Variants in ERBB4 observed in about 807,000 individuals in gnomAD.
ERBB4 encodes erb-b2 receptor tyrosine kinase 4, also known as receptor tyrosine-protein kinase erbB-4.
ERBB4 carries 42 observed loss-of-function variants against 158.0 expected under a neutral mutation model. The ratio of observed to expected loss-of-function variants is 0.27; its 90% CI spans 0.21 to 0.34. The LOEUF (loss-of-function observed/expected upper bound fraction) is 0.34. Ranked by LOEUF, ERBB4 falls within the 10% of genes least tolerant of loss-of-function variation. The pLI is 1.00. For missense variants in ERBB4, 1,333 were observed against 1,624.1 expected, an observed-to-expected ratio of 0.82 and a Z score of 3.08; for synonymous variants, 583 against 558.7, an observed-to-expected ratio of 1.04 and a Z score of -0.61.
intron 1 of ERBB4, among the ~76,000 whole-genome samples, chr2:212,479,830 A>G (rs1689596050): frequency 6.6e-6 from 1 of 152,200 alleles, no homozygotes. Context: ...GGTAGCACAC[A>G]GAGAGGTTCT....
chr2:212,472,450 T>C (rs1689162323), intron 1 of ERBB4, among the ~76,000 whole-genome samples: 1 of 151,768 alleles, frequency 6.6e-6, no homozygotes, highest in Non-Finnish European at 1.5e-5. Context: ...TTTTTTGCTA[T>C]TGCTTCCTGA....
intron 25 of ERBB4, among the ~76,000 whole-genome samples, chr2:211,409,733 CCAATAGAG>C (rs1253075095): frequency 3.9e-5 from 6 of 152,116 alleles, no homozygotes; most frequent in South Asian, 2.1e-4. Flanking sequence ...GTGGGGGGAA[CCAATAGAG>C]CAATAGAGGT....
intron 3 of ERBB4, among the ~76,000 whole-genome samples, chr2:211,819,861 A>G (rs1053763153): frequency 2.0e-5 from 3 of 152,066 alleles, no homozygotes; most frequent in Admixed American, 2.0e-4. Context: ...AGTAGGAAAT[A>G]GATTTTGTTT....
chr2:211,879,005 C>T (rs188171509), intron 3 of ERBB4, among the ~76,000 whole-genome samples: 1 of 152,188 alleles, frequency 6.6e-6, no homozygotes, highest in African/African-American at 2.4e-5. Context: ...TGTCCTCTAA[C>T]CCTCTAGGAG....
At chr2:212,439,076 A>C (rs1225013314) in intron 1 of ERBB4, among the ~76,000 whole-genome samples, 1 of 152,142 alleles carries the variant, frequency 6.6e-6, no homozygotes, top group Non-Finnish European at 1.5e-5. Context: ...TTAGAAAGTA[A>C]GTAAGCACTA....
Position 211,562,041 on chromosome 2 carries a change from C to A in ERBB4, c.2349G>T (p.Leu783Phe). ...TGGTTGGGCTCAGACACACACCCAG[C>A]AACCGGACTAGGTGTGGATGATCCA... The part of the protein sequence containing the change: ...ASMDHPHLVR[L>F]LGVCLSPTIQ... The change falls in exon 20 of 28, where the codon TTG becomes TTT. Residue 783 changes from leucine (L) to phenylalanine (F), a missense_variant. Leu to Phe is a conservative substitution (Grantham distance 22). Around this residue, in one of 5 missense-constraint regions of ERBB4, gnomAD observed 314 missense variants for 437.6 expected, o/e 0.72. Transcript: ENST00000342788. 1 of 1,614,040 alleles carries A rather than the reference C, an allele frequency of 6.2e-7. No individual in the cohort carries two copies. Among genetic ancestry groups the A allele is most frequent in the Non-Finnish European group, 8.5e-7 (1 of 1,180,018 alleles).
intron 12 of ERBB4, among the ~76,000 whole-genome samples, chr2:211,688,899 T>A (rs950881644): frequency 1.3e-5 from 2 of 152,200 alleles, no homozygotes; most frequent in Non-Finnish European, 2.9e-5. Flanking sequence ...AAATATATTA[T>A]AAATTATTTT....
chr2:212,351,746 T>C (rs999763839), intron 1 of ERBB4, among the ~76,000 whole-genome samples: 2 of 152,192 alleles, frequency 1.3e-5, no homozygotes, highest in Non-Finnish European at 2.9e-5. Context: ...TTTCCACTAA[T>C]GGAGCATATA....
At chr2:212,003,976 T>C (rs2076202863) in intron 2 of ERBB4, among the ~76,000 whole-genome samples, 2 of 152,234 alleles carry the variant, frequency 1.3e-5, no homozygotes, top group Admixed American at 1.3e-4. Context: ...AAACAGGTAG[T>C]GAATACACTG....
chr2:211,635,055 G>A (rs2070307037), intron 16 of ERBB4, among the ~76,000 whole-genome samples: 1 of 152,176 alleles, frequency 6.6e-6, no homozygotes, highest in Non-Finnish European at 1.5e-5. Flanking sequence ...CAAATACTAA[G>A]GGATCTAGAA....
intron 15 of ERBB4, among the ~76,000 whole-genome samples, chr2:211,660,784 C>G (rs953111263): frequency 6.6e-6 from 1 of 152,028 alleles, no homozygotes; most frequent in Non-Finnish European, 1.5e-5. Flanking sequence ...CCAAGGAACC[C>G]CAACAGTATA....
chr2:212,520,701 T>C (rs56099927), intron 1 of ERBB4, among the ~76,000 whole-genome samples: 2,415 of 152,072 alleles, frequency 0.016, 73 homozygotes, highest in African/African-American at 0.055. Flanking sequence ...CATTGGTTGA[T>C]AGGAGAAATA....
At chr2:211,890,218 C>G (rs1391628568) in intron 3 of ERBB4, among the ~76,000 whole-genome samples, 1 of 87,732 alleles carries the variant, frequency 1.1e-5, no homozygotes, top group Non-Finnish European at 2.3e-5. Context: ...CGGCAGAAAC[C>G]CTACAAGCCA....
intron 1 of ERBB4, among the ~76,000 whole-genome samples, chr2:212,154,306 T>C (rs1393623716): frequency 6.6e-6 from 1 of 152,140 alleles, no homozygotes; most frequent in Non-Finnish European, 1.5e-5. Flanking sequence ...ACTTTGACCA[T>C]GCCAGCCCTG....
At chr2:212,268,716 G>A (rs2085238258) in intron 1 of ERBB4, among the ~76,000 whole-genome samples, 1 of 151,750 alleles carries the variant, frequency 6.6e-6, no homozygotes, top group Non-Finnish European at 1.5e-5. Flanking sequence ...GATTGGGGCT[G>A]TTTTCCAATA....
intron 1 of ERBB4, among the ~76,000 whole-genome samples, chr2:212,498,195 C>A (rs1250319868): frequency 6.6e-6 from 1 of 151,712 alleles, no homozygotes; most frequent in Non-Finnish European, 1.5e-5. Flanking sequence ...TTTGTAATAA[C>A]CCCTTCCCCA....
At chr2:212,505,382 C>T (rs553220533) in intron 1 of ERBB4, among the ~76,000 whole-genome samples, 2 of 152,272 alleles carry the variant, frequency 1.3e-5, no homozygotes, top group East Asian at 1.9e-4. Flanking sequence ...CAGACATGCG[C>T]CATCACACCC....
At chr2:211,922,246 C>G (rs534614628) in intron 3 of ERBB4, among the ~76,000 whole-genome samples, 3 of 152,162 alleles carry the variant, frequency 2.0e-5, no homozygotes, top group African/African-American at 7.2e-5. Context: ...TGAAAAGTGA[C>G]TACCAGTTAC....
intron 20 of ERBB4, among the ~76,000 whole-genome samples, chr2:211,531,314 T>C (rs374833581): frequency 3.9e-5 from 6 of 152,088 alleles, no homozygotes; most frequent in African/African-American, 1.2e-4. Flanking sequence ...AAAGGACACA[T>C]GGGATCACAT....
Sources: allele counts gnomAD v4.1 joint callset (sites outside exome capture counted in the v4.1 genomes callset), GRCh38; gene constraint gnomAD v4.1.1; regional missense constraint gnomAD v4.1.1; transcripts MANE v1.5; gene names NCBI Gene and HGNC (gene_info 2026-07-23, HGNC 2026-07-21).